The following SPINT1 variants were observed in gnomAD, a reference collection of about 807,000 sequenced individuals.
SPINT1 encodes the protein kunitz-type protease inhibitor 1.
A neutral mutation model predicts 53.7 loss-of-function variants in SPINT1; 38 were observed. The observed-to-expected ratio is 0.71, with a 90% CI of 0.55 to 0.93. SPINT1 has a LOEUF of 0.93. Among genes scored for constraint, SPINT1 ranks in the 40% least tolerant of loss-of-function variants. The probability of loss-of-function intolerance (pLI) is 0.00; values close to 1 mark genes in which losing one functional copy is unlikely to be tolerated. For synonymous variants in SPINT1, 283 were observed against 280.6 expected, an observed-to-expected ratio of 1.01 and a Z score of -0.08; for missense variants, 645 against 692.9, an observed-to-expected ratio of 0.93 and a Z score of 0.78.
Position 40,853,478 on chromosome 15 carries a change from C to A in SPINT1, c.604-11C>A. 6.2e-7 allele frequency: 1 copy of A among 1,614,096 alleles called. No homozygotes were observed. Among genetic ancestry groups the A allele is most frequent in the African/African-American group, 1.3e-5 (1 of 75,038 alleles). On this transcript the variant is annotated splice_polypyrimidine_tract_variant and intron_variant, in intron 3 of 10. Transcript: ENST00000562057. ...GGGGTGCCCAAGCCTGATAGCCACT[C>A]CTGTGTGCAGAGGAAAGACCCAAAC...
intron 2 of SPINT1, among the ~76,000 whole-genome samples, chr15:40,851,936 G>T (rs530268228): frequency 1.3e-5 from 2 of 152,212 alleles, no homozygotes; most frequent in African/African-American, 4.8e-5. Flanking sequence ...CAGGAGAATC[G>T]CTTGAACCCT....
rs1378957883 is a variant in SPINT1, at chr15:40,853,505, A to G, written c.620A>G (p.Gln207Arg). The G allele has an allele frequency of 5.6e-6, 9 of 1,614,136 alleles. No homozygotes were observed. The highest frequency in any genetic ancestry group is 7.6e-6 in the Non-Finnish European group (9 of 1,179,986). Residue 207 changes from glutamine to arginine, a missense_variant, in exon 4 of 11, where the codon CAG becomes CGG. Physicochemically the swap from Gln to Arg is conservative, Grantham distance 43. Coordinates refer to ENST00000562057, the MANE Select transcript of SPINT1 (RefSeq NM_003710.4). ...TGTGTGCAGAGGAAAGACCCAAACC[A>G]GGTGGAACTGTGGGGACTCAAGGAA... ...DVRVERKDPN[Q>R]VELWGLKEGT...
chr15:40,856,074 A>G lies in SPINT1; in HGVS notation c.1288+12A>G, dbSNP rs1300953436. On this transcript the variant is annotated intron_variant, in intron 9 of 10. Coordinates refer to ENST00000562057, the MANE Select transcript of SPINT1 (RefSeq NM_003710.4). ...TCGCGGCATCTCCAGTGAGTGGGCC[A>G]GTGAGAGGGTGGGCATGTATGGGGG... The G allele has an allele frequency of 6.2e-7, 1 of 1,613,522 alleles. No homozygotes were observed. The highest frequency in any genetic ancestry group is 8.5e-7 in the Non-Finnish European group (1 of 1,179,682).
intron 5 of SPINT1, 33 bp from the exon 6 acceptor site, chr15:40,854,027 A>G (rs1891549956): frequency 6.5e-7 from 1 of 1,546,760 alleles, no homozygotes; most frequent in East Asian, 2.4e-5. Context: ...GAGCCTGGTC[A>G]TGCCTCCTCT....
chr15:40,845,093 C>G, intron 2 of SPINT1, 64 bp downstream of exon 2: 4 of 1,326,802 alleles, frequency 3.0e-6, no homozygotes, highest in Non-Finnish European at 4.1e-6. Flanking sequence ...TTATGGGGTC[C>G]TAGGGGAGAC....
In SPINT1 at chr15:40,853,863, G is replaced by C; in HGVS notation, c.895G>C (p.Ala299Pro). Residue 299 changes from alanine to proline, a missense_variant, in exon 5 of 11, where the codon GCC becomes CCC. Ala to Pro is a conservative substitution (Grantham distance 27, BLOSUM62 -1). Transcript: ENST00000562057. ...NYLREEECIL[A>P]CRGVQGPSME... is the part of the protein sequence containing the mutation. ...CCTTCGGGAAGAAGAGTGCATTCTA[G>C]CCTGTCGGGGTGTGCAAGGTGGGCC... The C allele has an allele frequency of 6.2e-7, 1 of 1,614,204 alleles. No individual in the cohort carries two copies. Among genetic ancestry groups the C allele is most frequent in the Non-Finnish European group, 8.5e-7 (1 of 1,180,034 alleles).
chr15:40,846,374 G>A (rs1162623040), intron 2 of SPINT1, among the ~76,000 whole-genome samples: 1 of 152,122 alleles, frequency 6.6e-6, no homozygotes, highest in Non-Finnish European at 1.5e-5. Flanking sequence ...TGATTGCTGT[G>A]CCACACATCC....
chr15:40,849,210 C>T (rs984406602), intron 2 of SPINT1, among the ~76,000 whole-genome samples: 1 of 151,592 alleles, frequency 6.6e-6, no homozygotes, highest in Non-Finnish European at 1.5e-5. Flanking sequence ...CACGCCACTG[C>T]CCTCCAGTCT....
In SPINT1 at chr15:40,844,678, C is replaced by T. The variant is rs201697101; in HGVS notation, c.124C>T (p.Pro42Ser). The T allele has an allele frequency of 4.5e-4, 722 of 1,606,332 alleles. No individual in the cohort carries two copies. Among genetic ancestry groups the T allele is most frequent in the Non-Finnish European group, 5.6e-4 (659 of 1,176,652 alleles). ...GTQAGPPPAP[P>S]GLPAGADCLN... Reference sequence around the variant, plus strand: ...CCAGGCCGGGCCACCGCCCGCGCCCCCTGGGCTGCCCGCGGGAGCCGACTG... The same window carrying T: ...CCAGGCCGGGCCACCGCCCGCGCCCTCTGGGCTGCCCGCGGGAGCCGACTG... The change falls in exon 2 of 11, where the codon CCT (proline) becomes TCT (serine). Residue 42 changes from proline (P) to serine (S), a missense_variant. By Grantham distance (74) the Pro-to-Ser change is moderately conservative (BLOSUM62 -1). Transcript: ENST00000562057. The surrounding 1 kb of genome is among the most constrained non-coding windows in gnomAD (Gnocchi z 5.8).
In SPINT1 at chr15:40,857,177, A is replaced by C. The variant is rs1001344664; in HGVS notation, c.*202A>C. ...CTCAAAGGTTTGGAAGGAGCAGAAAACCCTTGGGCCAGAAGTACCAGACTA... is the reference window on the plus strand; with the variant it reads ...CTCAAAGGTTTGGAAGGAGCAGAAACCCCTTGGGCCAGAAGTACCAGACTA... On this transcript the variant is annotated 3_prime_UTR_variant, in exon 11 of 11. Coordinates refer to ENST00000562057, the MANE Select transcript of SPINT1 (RefSeq NM_003710.4). 1.4e-6 allele frequency: 1 copy of C among 700,358 alleles called. No individual in the cohort carries two copies. The highest frequency in any genetic ancestry group is 2.3e-6 in the Non-Finnish European group (1 of 433,398). 43.4% of individuals were successfully genotyped at this position (700,358 alleles called of 1,614,324 possible). A position where few individuals can be genotyped will look rare whatever the true frequency, so the allele number is the denominator to read the frequency against.
rs1382635016 is a variant in SPINT1 at position 40,853,574 on chromosome 15, C to A, written c.689C>A (p.Pro230Gln). The A allele has an allele frequency of 6.2e-7, 1 of 1,613,928 alleles. No individual in the cohort carries two copies. The highest frequency in any genetic ancestry group is 1.3e-5 in the African/African-American group (1 of 74,916). The change falls in exon 4 of 11, where the codon CCA becomes CAA. Residue 230 changes from proline (P) to glutamine (Q), a missense_variant. Physicochemically the swap from Pro to Gln is moderately conservative, Grantham distance 76 (BLOSUM62 -1). Transcript: ENST00000562057. ...FQLTVTSSDH[P>Q]EDTANVTVTV... Reference sequence around the variant, plus strand: ...CTGACAGTGACTAGCTCAGACCACCCAGAGGACACGGCCAACGTCACAGTC... The same window carrying A: ...CTGACAGTGACTAGCTCAGACCACCAAGAGGACACGGCCAACGTCACAGTC...
intron 2 of SPINT1, among the ~76,000 whole-genome samples, chr15:40,852,353 CT>C (rs1346690710): frequency 1.3e-5 from 2 of 152,182 alleles, no homozygotes; most frequent in African/African-American, 4.8e-5. Context: ...TGCAAAGACC[CT>C]TTTCCCAAAT....
Position 40,855,951 on chromosome 15 carries a change from T to C in SPINT1, c.1177T>C (p.Tyr393His), listed in dbSNP as rs1466371854. Residue 393 changes from tyrosine (Y) to histidine (H), a missense_variant, in exon 9 of 11, where the codon TAC (tyrosine) becomes CAC (histidine). Physicochemically the swap from Tyr to His is moderately conservative, Grantham distance 83. Coordinates refer to ENST00000562057, the MANE Select transcript of SPINT1 (RefSeq NM_003710.4). ...CAAGGAGAGCATCCCGCGCTGGTAC[T>C]ACAACCCCTTCAGCGAACACTGCGC... ...LCKESIPRWY[Y>H]NPFSEHCARF... 6.2e-7 allele frequency: 1 copy of C among 1,614,120 alleles called. No individual in the cohort carries two copies. The highest frequency in any genetic ancestry group is 8.5e-7 in the Non-Finnish European group (1 of 1,180,052).
chr15:40,854,643 G>T lies in SPINT1; in HGVS notation c.1071G>T (p.Thr357=), dbSNP rs746272116. 1 of 1,614,052 alleles carries T rather than the reference G, an allele frequency of 6.2e-7. No individual in the cohort carries two copies. ...TCTGACCTTTCCTCTCTGCAGACACGAGTGGCTTTGACGAGCTCCAGCGCA... is the reference window on the plus strand; with the variant it reads ...TCTGACCTTTCCTCTCTGCAGACACTAGTGGCTTTGACGAGCTCCAGCGCA... ...ASDEAACEKY[T]SGFDELQRIH... Residue 357 remains threonine, a synonymous_variant, in exon 8 of 11, where the codon ACG becomes ACT. Transcript: ENST00000562057.
intron 2 of SPINT1, 91 bp from the exon 3 acceptor site, chr15:40,853,033 G>T: frequency 6.5e-7 from 1 of 1,529,494 alleles, no homozygotes; most frequent in Non-Finnish European, 8.8e-7. Context: ...GTCTAGGTGG[G>T]GCCCATACTT....
chr15:40,853,425 C>A, intron 3 of SPINT1, 64 bp from the exon 4 acceptor site: 1 of 1,612,566 alleles, frequency 6.2e-7, no homozygotes, highest in Non-Finnish European at 8.5e-7. Flanking sequence ...TGTGTCTGGC[C>A]AGGCCTGGGG....
In SPINT1 at chr15:40,851,098, G is replaced by A. The variant is rs114985996; in HGVS notation, c.476-2026G>A. Among the ~76,000 whole-genome samples the A allele has an allele frequency of 5.7e-3, 873 of 152,162 alleles. 18 individuals are homozygous for A. Among genetic ancestry groups the A allele is most frequent in the African/African-American group, 0.02 (844 of 41,504 alleles). Reference sequence around the variant, plus strand: ...AGATCAACTCAAGCCCAGCGAACTGGCCTTGCAAATTCCTAACTCCTTGCT... The same window carrying A: ...AGATCAACTCAAGCCCAGCGAACTGACCTTGCAAATTCCTAACTCCTTGCT... On this transcript the variant is annotated intron_variant, in intron 2 of 10. Coordinates refer to ENST00000562057, the MANE Select transcript of SPINT1 (RefSeq NM_003710.4).
chr15:40,845,088 G>T, intron 2 of SPINT1, 59 bp downstream of exon 2: 2 of 1,367,168 alleles, frequency 1.5e-6, no homozygotes, highest in Non-Finnish European at 2.0e-6. Flanking sequence ...ACTGGTTATG[G>T]GGTCCTAGGG....
chr15:40,847,644 G>A (rs1366593364), intron 2 of SPINT1, among the ~76,000 whole-genome samples: 2 of 152,178 alleles, frequency 1.3e-5, no homozygotes, highest in Non-Finnish European at 2.9e-5. Context: ...GGGAGGGGCT[G>A]GTTTTATTGC....
Sources: allele counts gnomAD v4.1 joint callset (sites outside exome capture counted in the v4.1 genomes callset), GRCh38; gene constraint gnomAD v4.1.1; non-coding constraint Gnocchi (gnomAD v3.1); transcripts MANE v1.5; gene names NCBI Gene and HGNC (gene_info 2026-07-23, HGNC 2026-07-21).